The following LRRC4C variants were observed in gnomAD, a reference collection of about 807,000 sequenced individuals.
The protein encoded by LRRC4C is leucine-rich repeat-containing protein 4C.
LRRC4C carries 5 observed loss-of-function variants against 33.6 expected under a neutral mutation model. The observed-to-expected ratio is 0.15, with a 90% CI of 0.08 to 0.31. The LOEUF is 0.31. Ranked by LOEUF, LRRC4C falls within the 10% of genes least tolerant of loss-of-function variation. The pLI, the probability that LRRC4C is intolerant of heterozygous loss-of-function variation, is 1.00. For missense variants in LRRC4C, 560 were observed against 796.7 expected (o/e 0.70, Z 3.58); for synonymous variants, 329 against 302.0 (o/e 1.09, Z -0.93).
Position 41,190,155 on chromosome 11 carries a change from C to CT in LRRC4C, c.-495-256433dup, listed in dbSNP as rs796563561. 1.0e-3 allele frequency among the ~76,000 whole-genome samples: 156 copies of CT among 151,642 alleles called. 1 individual carries two copies. The highest frequency in any genetic ancestry group is 3.7e-3 in the African/African-American group (151 of 41,338). ...ACTGACACTTTTGCAAGGACACTAG[C>CT]TTTTTTTTTCTGTAGAAGTAGAGAG... On this transcript the variant is annotated intron_variant, in intron 1 of 6. Transcript: ENST00000528697.
At chr11:40,370,689 G>C (rs1168638679) in intron 3 of LRRC4C, among the ~76,000 whole-genome samples, 2 of 152,076 alleles carry the variant, frequency 1.3e-5, no homozygotes, top group African/African-American at 2.4e-5. Flanking sequence ...GTAAAACAAA[G>C]CTGGCAAATG....
intron 1 of LRRC4C, among the ~76,000 whole-genome samples, chr11:41,071,168 A>T (rs1938649207): frequency 6.6e-6 from 1 of 152,054 alleles, no homozygotes; most frequent in Admixed American, 6.6e-5. Flanking sequence ...ACCAAACACC[A>T]CATGTTCTCA....
At chr11:41,097,485 G>A (rs1246578732) in intron 1 of LRRC4C, among the ~76,000 whole-genome samples, 1 of 152,152 alleles carries the variant, frequency 6.6e-6, no homozygotes, top group Non-Finnish European at 1.5e-5. Context: ...TCTGTATGAG[G>A]TTTGAGGGGG....
At chr11:40,331,241 A>G (rs1946349788) in intron 3 of LRRC4C, among the ~76,000 whole-genome samples, 1 of 152,218 alleles carries the variant, frequency 6.6e-6, no homozygotes, top group Admixed American at 6.5e-5. Flanking sequence ...AAAGCTAAAA[A>G]TAGAACTCCC....
intron 3 of LRRC4C, among the ~76,000 whole-genome samples, chr11:40,473,342 T>A (rs1302494656): frequency 6.6e-6 from 1 of 151,994 alleles, no homozygotes; most frequent in Non-Finnish European, 1.5e-5. Flanking sequence ...ACAGAACAAA[T>A]GACAAAAACC....
intron 3 of LRRC4C, among the ~76,000 whole-genome samples, chr11:40,487,626 C>T (rs1953931404): frequency 6.6e-6 from 1 of 151,564 alleles, no homozygotes; most frequent in Non-Finnish European, 1.5e-5. Context: ...GATTTTAAAA[C>T]CTGCCTCTTT....
intron 2 of LRRC4C, among the ~76,000 whole-genome samples, chr11:40,669,667 C>G (rs1943987130): frequency 6.6e-6 from 1 of 152,278 alleles, no homozygotes; most frequent in South Asian, 2.1e-4. Context: ...CTGGTACTCC[C>G]AATATATCTT....
Position 40,826,714 on chromosome 11 carries a change from A to G in LRRC4C, c.-407+106921T>C, listed in dbSNP as rs963913996. Among the ~76,000 whole-genome samples the G allele has an allele frequency of 3.9e-5, 6 of 151,984 alleles. No individual in the cohort carries two copies. In the East Asian group the frequency reaches 1.2e-3, roughly 29 times the overall value. On this transcript the variant is annotated intron_variant, in intron 2 of 6. Coordinates refer to ENST00000528697, the MANE Select transcript of LRRC4C (RefSeq NM_001258419.2). The stretch of plus-strand genomic sequence containing the variant: ...TGGAAAACTTGAGACACAACAGGCA[A>G]TTCAAGTAGTCCTGATATCTTGAAT...
At chr11:40,937,627 G>A (rs1395239111) in intron 1 of LRRC4C, among the ~76,000 whole-genome samples, 3 of 151,448 alleles carry the variant, frequency 2.0e-5, no homozygotes, top group African/African-American at 7.3e-5. Flanking sequence ...GTGTGTGTGT[G>A]TGTGTGTGTG....
chr11:40,857,636 G>A (rs1233757873), intron 2 of LRRC4C, among the ~76,000 whole-genome samples: 7 of 152,248 alleles, frequency 4.6e-5, no homozygotes, highest in African/African-American at 1.7e-4. Flanking sequence ...TTAGAAATGG[G>A]CATGGTTGTG....
chr11:40,893,042 CA>C (rs1322106560), intron 2 of LRRC4C, among the ~76,000 whole-genome samples: 2 of 151,082 alleles, frequency 1.3e-5, no homozygotes, highest in African/African-American at 2.4e-5. Context: ...ATAACTCCTA[CA>C]AAAAAAATAA....
At chr11:41,400,583 A>AT (rs5791436) in intron 1 of LRRC4C, among the ~76,000 whole-genome samples, 140,189 of 151,492 alleles carry the variant, frequency 0.93, 64,966 homozygotes, top group East Asian at 0.99. Context: ...AATAGGAGAT[A>AT]TTTTTTTAAT....
At chr11:40,722,540 A>T (rs1384610974) in intron 2 of LRRC4C, among the ~76,000 whole-genome samples, 1 of 152,214 alleles carries the variant, frequency 6.6e-6, no homozygotes, top group Non-Finnish European at 1.5e-5. Context: ...CAATCCCCTT[A>T]CACAACATAC....
chr11:41,247,686 T>C (rs993954323), intron 1 of LRRC4C, among the ~76,000 whole-genome samples: 3 of 152,186 alleles, frequency 2.0e-5, no homozygotes, highest in Non-Finnish European at 4.4e-5. Context: ...GGAACATTTG[T>C]CTGCATTTCA....
chr11:41,153,641 T>A (rs1043079396), intron 1 of LRRC4C, among the ~76,000 whole-genome samples: 2 of 152,200 alleles, frequency 1.3e-5, no homozygotes, highest in Non-Finnish European at 2.9e-5. Flanking sequence ...AAAAACGGTA[T>A]CTTGTGGCAC....
chr11:40,986,783 C>T (rs1331208317), intron 1 of LRRC4C, among the ~76,000 whole-genome samples: 1 of 152,150 alleles, frequency 6.6e-6, no homozygotes, highest in Non-Finnish European at 1.5e-5. Context: ...CAGGGCTACA[C>T]TGTAACAAAT....
chr11:41,048,257 T>G (rs1192950906), intron 1 of LRRC4C, among the ~76,000 whole-genome samples: 1 of 114,298 alleles, frequency 8.7e-6, no homozygotes, highest in Non-Finnish European at 1.7e-5. Context: ...TTTAGATTCT[T>G]TACTTTTTTT....
At chr11:40,140,287 C>A (rs1857272693) in intron 6 of LRRC4C, among the ~76,000 whole-genome samples, 1 of 152,136 alleles carries the variant, frequency 6.6e-6, no homozygotes, top group Non-Finnish European at 1.5e-5. Context: ...GCAGGTAGAA[C>A]TACCACTCAT....
chr11:40,437,642 C>T (rs1348396014), intron 3 of LRRC4C, among the ~76,000 whole-genome samples: 1 of 152,008 alleles, frequency 6.6e-6, no homozygotes, highest in South Asian at 2.1e-4. Flanking sequence ...GATCCACACG[C>T]CTCGACCTCC....
Sources: allele counts gnomAD v4.1 joint callset (sites outside exome capture counted in the v4.1 genomes callset), GRCh38; gene constraint gnomAD v4.1.1; transcripts MANE v1.5; gene names NCBI Gene and HGNC (gene_info 2026-07-23, HGNC 2026-07-21).